Variants in FHIP2A observed in about 807,000 individuals in gnomAD.
The protein encoded by FHIP2A is family with sequence similarity 160 member B1.
A neutral mutation model predicts 93.5 loss-of-function variants in FHIP2A; 46 were observed. The observed-to-expected ratio is 0.49, with a 90% CI of 0.39 to 0.63. The LOEUF is 0.63. Among genes scored for constraint, FHIP2A ranks in the 20% least tolerant of loss-of-function variants. The probability of loss-of-function intolerance (pLI) is 0.00; values close to 1 mark genes in which losing one functional copy is unlikely to be tolerated. For synonymous variants in FHIP2A, 332 were observed against 326.5 expected, an observed-to-expected ratio of 1.02 and a Z score of -0.18; for missense variants, 769 against 909.7, an observed-to-expected ratio of 0.85 and a Z score of 1.99.
chr10:114,834,495 A>G (rs935438279), intron 3 of FHIP2A, among the ~76,000 whole-genome samples: 1 of 152,202 alleles, frequency 6.6e-6, no homozygotes, highest in Non-Finnish European at 1.5e-5. Context: ...TATTGTGCAT[A>G]AGATTATAGT....
chr10:114,890,536 T>C (rs1248548801), intron 16 of FHIP2A, among the ~76,000 whole-genome samples: 1 of 148,048 alleles, frequency 6.8e-6, no homozygotes, highest in Non-Finnish European at 1.5e-5. Context: ...ATATGACATA[T>C]ATAGTATATT....
At chr10:114,823,736 T>A (rs1380325467) in intron 1 of FHIP2A, among the ~76,000 whole-genome samples, 1 of 151,570 alleles carries the variant, frequency 6.6e-6, no homozygotes, top group Non-Finnish European at 1.5e-5. Flanking sequence ...TGACCTCAAG[T>A]GATCGCCCGC....
chr10:114,866,148 C>T (rs1247661792), downstream of FHIP2A, among the ~76,000 whole-genome samples: 1 of 151,044 alleles, frequency 6.6e-6, no homozygotes, highest in Non-Finnish European at 1.5e-5. Context: ...CCAGCACAGG[C>T]CCCAGTGTGT....
intron 16 of FHIP2A, among the ~76,000 whole-genome samples, chr10:114,886,108 A>G (rs2083941494): frequency 6.6e-6 from 1 of 152,200 alleles, no homozygotes; most frequent in African/African-American, 2.4e-5. Flanking sequence ...TAACAGGAGG[A>G]GGAGGAGGAA....
chr10:114,849,957 T>A (rs1021414179), intron 13 of FHIP2A, among the ~76,000 whole-genome samples: 1 of 152,228 alleles, frequency 6.6e-6, no homozygotes, highest in Non-Finnish European at 1.5e-5. Flanking sequence ...CATCAGTACT[T>A]CCTTTTCTTT....
Position 114,890,619 on chromosome 10 carries a change from G to T in FHIP2A, c.2193-8871G>T, listed in dbSNP as rs376931736. Reference sequence around the variant, plus strand: ...GACATATATAGTTTATAAAATATACGCTATATATGACATATATACCGTATA... The same window carrying T: ...GACATATATAGTTTATAAAATATACTCTATATATGACATATATACCGTATA... On this transcript the variant is annotated intron_variant, in intron 16 of 16. Coordinates refer to the FHIP2A transcript ENST00000369250. Among the ~76,000 whole-genome samples, 13 of 139,788 alleles carry T rather than the reference G, an allele frequency of 9.3e-5. No individual in the cohort carries two copies. The East Asian group carries it at 1.4e-3, about 15-fold the overall frequency. 91.7% of individuals were successfully genotyped at this position (139,788 alleles called of 152,430 possible).
chr10:114,890,487 A>G (rs2083965485), intron 16 of FHIP2A, among the ~76,000 whole-genome samples: 2 of 148,190 alleles, frequency 1.3e-5, no homozygotes, highest in South Asian at 2.1e-4. Context: ...TACAATATAT[A>G]CTATATATGA....
rs2083760865 is a variant in FHIP2A, at chr10:114,855,343, A to G, written c.1947+3A>G. 1 of 1,608,056 alleles carries G rather than the reference A, an allele frequency of 6.2e-7. No individual in the cohort carries two copies. The highest frequency in any genetic ancestry group is 1.7e-5 in the Admixed American group (1 of 59,084). On this transcript the variant is annotated splice_donor_region_variant and intron_variant, in intron 14 of 16. Coordinates refer to ENST00000369248, the MANE Select transcript of FHIP2A (RefSeq NM_020940.4). ...GAATGGGAAGAATTCTTGATCAGGT[A>G]ATACATTTTAAAATACTAATTTTCA...
chr10:114,853,361 A>C (rs1003366454), intron 13 of FHIP2A, among the ~76,000 whole-genome samples: 1 of 152,208 alleles, frequency 6.6e-6, no homozygotes, highest in African/African-American at 2.4e-5. Flanking sequence ...TTTGTATTGA[A>C]GTATCCTATT....
At chr10:114,842,866 T>C (rs1423288880) in intron 5 of FHIP2A, 67 bp from the exon 6 acceptor site, 12 of 1,092,948 alleles carry the variant, frequency 1.1e-5, no homozygotes, top group Middle Eastern at 4.2e-4. Context: ...GAAAAATCCA[T>C]TAAAATATTA....
At chr10:114,839,308 G>A (rs2083654357) in intron 5 of FHIP2A, among the ~76,000 whole-genome samples, 1 of 151,866 alleles carries the variant, frequency 6.6e-6, no homozygotes, top group Admixed American at 6.6e-5. Flanking sequence ...TGTATTTTTA[G>A]TAGAGATGGG....
At chr10:114,822,233 T>G in intron 1 of FHIP2A, 110 bp downstream of exon 1, 1 of 593,000 alleles carries the variant, frequency 1.7e-6, no homozygotes, top group Non-Finnish European at 2.3e-6. Flanking sequence ...TCGGCGGCCC[T>G]GTCCCCGGTT....
chr10:114,838,759 G>A (rs1277639098), intron 5 of FHIP2A, among the ~76,000 whole-genome samples: 1 of 152,182 alleles, frequency 6.6e-6, no homozygotes, highest in Admixed American at 6.5e-5. Flanking sequence ...TACACTGTAT[G>A]TACCTGTCTT....
chr10:114,845,261 C>T (rs971110211), intron 7 of FHIP2A, 106 bp from the exon 8 acceptor site: 1 of 621,414 alleles, frequency 1.6e-6, no homozygotes, highest in Admixed American at 2.5e-5. Context: ...TGTGAATGTA[C>T]CATACTATCT....
At chr10:114,879,251 CAG>C (rs1351927708) in intron 16 of FHIP2A, among the ~76,000 whole-genome samples, 1 of 152,188 alleles carries the variant, frequency 6.6e-6, no homozygotes, top group Non-Finnish European at 1.5e-5. Flanking sequence ...AATGGAGGAA[CAG>C]ACTCTCAGAA....
rs1265149073 is a variant in FHIP2A, at chr10:114,843,881, C to G, written c.957C>G (p.Ala319=). ...ACAGACTTGCCTCCCTGTACAAGGC[C>G]CTACCTCAGTCAGTGGATCCGTTAG... ...LTDRLASLYK[A]LPQSVDPLDI... Residue 319 remains alanine, a synonymous_variant, in exon 7 of 17, where the codon GCC becomes GCG. Coordinates refer to ENST00000369248, the MANE Select transcript of FHIP2A (RefSeq NM_020940.4). The G allele has an allele frequency of 1.3e-5, 21 of 1,607,444 alleles. No individual in the cohort carries two copies. Among genetic ancestry groups the G allele is most frequent in the Non-Finnish European group, 1.8e-5 (21 of 1,178,442 alleles).
At chr10:114,866,970 AG>A (rs2083832266), downstream of FHIP2A, among the ~76,000 whole-genome samples, 1 of 152,154 alleles carries the variant, frequency 6.6e-6, no homozygotes, top group Non-Finnish European at 1.5e-5. Flanking sequence ...GCACTTTGGG[AG>A]GCTGAGGCAG....
At chr10:114,843,267 C>A in intron 6 of FHIP2A, 41 bp downstream of exon 6, 36 of 1,200,474 alleles carry the variant, frequency 3.0e-5, no homozygotes, top group Non-Finnish European at 3.9e-5. Context: ...AACATTATTT[C>A]AATAATGTGT....
chr10:114,837,532 T>C (rs2083643111), intron 5 of FHIP2A, among the ~76,000 whole-genome samples: 1 of 152,152 alleles, frequency 6.6e-6, no homozygotes, highest in Non-Finnish European at 1.5e-5. Context: ...ACAAAATACA[T>C]AAATAAATTT....
Sources: allele counts gnomAD v4.1 joint callset (sites outside exome capture counted in the v4.1 genomes callset), GRCh38; gene constraint gnomAD v4.1.1; transcripts MANE v1.5; gene names NCBI Gene and HGNC (gene_info 2026-07-23, HGNC 2026-07-21).